The following GRID2 variants were observed in gnomAD, a reference collection of about 807,000 sequenced individuals.
GRID2 encodes glutamate ionotropic receptor delta type subunit 2.
In GRID2, 33 loss-of-function variants were observed where a neutral mutation model predicts 114.8. The observed-to-expected ratio is 0.29, with a 90% confidence interval of 0.22 to 0.38. The LOEUF (loss-of-function observed/expected upper bound fraction) is 0.38. GRID2 is among the 10% of genes least tolerant of loss of function. The pLI is 1.00. For synonymous variants in GRID2, 505 were observed against 449.9 expected, an observed-to-expected ratio of 1.12 and a Z score of -1.55; for missense variants, 1,184 against 1,257.7, an observed-to-expected ratio of 0.94 and a Z score of 0.89.
chr4:93,667,407 A>C (rs2149746520), intron 14 of GRID2, among the ~76,000 whole-genome samples: 1 of 151,606 alleles, frequency 6.6e-6, no homozygotes, highest in South Asian at 2.1e-4. Context: ...TTTTCCAAAA[A>C]TCTGTGCTCT....
At chr4:93,041,392 C>G (rs1313157974) in intron 2 of GRID2, among the ~76,000 whole-genome samples, 1 of 152,114 alleles carries the variant, frequency 6.6e-6, no homozygotes, top group African/African-American at 2.4e-5. Flanking sequence ...CATATTCCTT[C>G]TTTAAACTTG....
intron 2 of GRID2, among the ~76,000 whole-genome samples, chr4:92,875,324 C>T (rs1390402790): frequency 1.3e-5 from 2 of 151,908 alleles, no homozygotes; most frequent in South Asian, 2.1e-4. Context: ...CCACCACACC[C>T]GGCTAATTTT....
At chr4:93,121,417 C>T (rs369876606) in intron 4 of GRID2, among the ~76,000 whole-genome samples, 418 of 152,190 alleles carry the variant, frequency 2.7e-3, no homozygotes, top group Non-Finnish European at 5.1e-3. Flanking sequence ...TAGAATCATA[C>T]GGTGTGTACT....
At chr4:92,531,561 G>C (rs1725357062) in intron 1 of GRID2, among the ~76,000 whole-genome samples, 1 of 152,106 alleles carries the variant, frequency 6.6e-6, no homozygotes, top group Admixed American at 6.6e-5. Context: ...AATGACCCAT[G>C]TGTACACAGA....
chr4:93,690,253 A>G (rs1177902196), intron 14 of GRID2, among the ~76,000 whole-genome samples: 8 of 152,024 alleles, frequency 5.3e-5, no homozygotes, highest in Admixed American at 5.3e-4. Flanking sequence ...GCTTTCTTCA[A>G]ACAAATGCTA....
At chr4:92,561,667 G>T (rs771598120) in intron 1 of GRID2, among the ~76,000 whole-genome samples, 3 of 152,050 alleles carry the variant, frequency 2.0e-5, no homozygotes, top group Non-Finnish European at 4.4e-5. Context: ...ACATTGTTTA[G>T]CATTTCTGAT....
intron 2 of GRID2, among the ~76,000 whole-genome samples, chr4:92,726,313 A>T (rs1245081873): frequency 1.3e-5 from 2 of 152,138 alleles, no homozygotes; most frequent in African/African-American, 4.8e-5. Context: ...TACCACAAAC[A>T]CATAAGTAAT....
intron 1 of GRID2, among the ~76,000 whole-genome samples, chr4:93,798,556 G>A (rs1308656090): frequency 6.6e-6 from 1 of 152,182 alleles, no homozygotes; most frequent in Non-Finnish European, 1.5e-5. Flanking sequence ...ACATAAGTGA[G>A]TAGGGCATGC....
intron 14 of GRID2, among the ~76,000 whole-genome samples, chr4:93,667,964 T>G (rs1283833288): frequency 1.3e-5 from 2 of 152,008 alleles, no homozygotes; most frequent in Non-Finnish European, 2.9e-5. Context: ...CTTTTCAAGA[T>G]TATCAAATGT....
intron 13 of GRID2, among the ~76,000 whole-genome samples, chr4:93,573,529 T>G (rs180694099): frequency 1.6e-3 from 238 of 152,278 alleles, no homozygotes; most frequent in African/African-American, 5.1e-3. Context: ...AATTTAATAA[T>G]GCAGATTAAC....
chr4:92,797,642 A>G (rs1739954544), intron 2 of GRID2, among the ~76,000 whole-genome samples: 1 of 152,030 alleles, frequency 6.6e-6, no homozygotes, highest in Non-Finnish European at 1.5e-5. Context: ...GAATGATGAA[A>G]AAAAGTATCT....
chr4:93,653,202 A>T (rs941944597), intron 14 of GRID2, among the ~76,000 whole-genome samples: 3 of 152,122 alleles, frequency 2.0e-5, no homozygotes, highest in African/African-American at 7.2e-5. Context: ...TTGAGTTATA[A>T]TAAAGGAACA....
chr4:92,470,481 G>GA (rs922878051), intron 1 of GRID2, among the ~76,000 whole-genome samples: 9 of 151,304 alleles, frequency 5.9e-5, no homozygotes, highest in African/African-American at 9.7e-5. Flanking sequence ...ATTTATTTCT[G>GA]AAAAAAAGAG....
At chr4:93,334,342 C>G (rs1758808624) in intron 8 of GRID2, among the ~76,000 whole-genome samples, 1 of 151,866 alleles carries the variant, frequency 6.6e-6, no homozygotes, top group African/African-American at 2.4e-5. Context: ...AGAGATGAAC[C>G]CTATGACAAT....
chr4:93,201,796 A>G (rs1343204782), intron 4 of GRID2, among the ~76,000 whole-genome samples: 2 of 152,204 alleles, frequency 1.3e-5, no homozygotes, highest in Non-Finnish European at 2.9e-5. Flanking sequence ...AAGATTTGAG[A>G]ATGAATGATG....
At chr4:93,459,101 AC>A (rs527546469) in intron 11 of GRID2, among the ~76,000 whole-genome samples, 44 of 148,790 alleles carry the variant, frequency 3.0e-4, no homozygotes, top group Non-Finnish European at 5.6e-4. Context: ...AATTGCTTGA[AC>A]CCAGGAGCGG....
chr4:93,374,307 G>A (rs1338312973), intron 8 of GRID2, among the ~76,000 whole-genome samples: 1 of 152,134 alleles, frequency 6.6e-6, no homozygotes, highest in Non-Finnish European at 1.5e-5. Context: ...GATAATGATG[G>A]AGCACATGTG....
At chr4:92,625,797 C>T (rs888183033) in intron 2 of GRID2, among the ~76,000 whole-genome samples, 3 of 151,732 alleles carry the variant, frequency 2.0e-5, no homozygotes, top group African/African-American at 7.3e-5. Flanking sequence ...TTCTCATCTC[C>T]AATGCAATAT....
chr4:93,721,926 T>C (rs1189031398), intron 14 of GRID2, among the ~76,000 whole-genome samples: 4 of 150,122 alleles, frequency 2.7e-5, no homozygotes, highest in African/African-American at 7.3e-5. Flanking sequence ...TTTTCTTTTT[T>C]TTTTTTTTTT....
Sources: gnomAD v4.1 joint callset for allele counts (sites outside exome capture counted in the v4.1 genomes callset) on GRCh38, gnomAD v4.1.1 for gene constraint, MANE v1.5 for transcripts, NCBI Gene and HGNC (gene_info 2026-07-23, HGNC 2026-07-21) for gene names.